The following GABRB1 variants were observed in gnomAD, a reference collection of about 807,000 sequenced individuals.
The protein encoded by GABRB1 is gamma-aminobutyric acid type A receptor subunit beta1, also known as gamma-aminobutyric acid receptor subunit beta-1.
Under a neutral mutation model 51.6 loss-of-function variants are expected in GABRB1, and 17 were observed. That is an observed-to-expected ratio of 0.33 (90% confidence interval 0.23 to 0.49). The LOEUF (loss-of-function observed/expected upper bound fraction) is 0.49. Ranked by LOEUF, GABRB1 falls within the 20% of genes least tolerant of loss-of-function variation. The pLI, the probability that GABRB1 is intolerant of heterozygous loss-of-function variation, is 0.99. For synonymous variants in GABRB1, 247 were observed against 218.9 expected, an observed-to-expected ratio of 1.13 and a Z score of -1.14; for missense variants, 410 against 600.6, an observed-to-expected ratio of 0.68 and a Z score of 3.32.
intron 4 of GABRB1, among the ~76,000 whole-genome samples, chr4:47,170,174 G>A (rs534530727): frequency 2.0e-5 from 3 of 152,050 alleles, no homozygotes; most frequent in African/African-American, 7.2e-5. Flanking sequence ...TGTTTACCTG[G>A]CTCTATTTCG....
At chr4:47,091,682 C>A (rs972234672) in intron 3 of GABRB1, among the ~76,000 whole-genome samples, 5 of 152,192 alleles carry the variant, frequency 3.3e-5, no homozygotes, top group Non-Finnish European at 7.3e-5. Flanking sequence ...TGCACTCCCC[C>A]AATCCTGGAC....
chr4:47,361,259 G>C (rs766178469), intron 5 of GABRB1, among the ~76,000 whole-genome samples: 7 of 152,088 alleles, frequency 4.6e-5, no homozygotes, highest in Admixed American at 6.6e-5. Context: ...ATTTCTTCTG[G>C]GGACTTAAGG....
At chr4:47,136,697 A>G (rs1329925695) in intron 3 of GABRB1, among the ~76,000 whole-genome samples, 1 of 152,088 alleles carries the variant, frequency 6.6e-6, no homozygotes, top group Non-Finnish European at 1.5e-5. Flanking sequence ...TGTTTAATCC[A>G]TAGATGATAC....
intron 3 of GABRB1, among the ~76,000 whole-genome samples, chr4:47,158,905 T>C (rs188100483): frequency 6.6e-6 from 1 of 152,202 alleles, no homozygotes; most frequent in Non-Finnish European, 1.5e-5. Context: ...TAGCATGTTA[T>C]GGTTTCTAAA....
At chr4:47,356,050 A>C (rs13116893) in intron 5 of GABRB1, among the ~76,000 whole-genome samples, 1 of 152,024 alleles carries the variant, frequency 6.6e-6, no homozygotes, top group Non-Finnish European at 1.5e-5. Flanking sequence ...AACAGCACAT[A>C]GCACACTGCT....
intron 4 of GABRB1, among the ~76,000 whole-genome samples, chr4:47,252,025 A>C (rs1722009139): frequency 6.6e-6 from 1 of 151,774 alleles, no homozygotes; most frequent in Non-Finnish European, 1.5e-5. Flanking sequence ...GCCCCTTTCA[A>C]ATTGTTACAA....
chr4:47,398,386 T>G (rs1421843232), intron 5 of GABRB1, among the ~76,000 whole-genome samples: 1 of 152,198 alleles, frequency 6.6e-6, no homozygotes, highest in Non-Finnish European at 1.5e-5. Context: ...TTGTCCAATG[T>G]CTTGGTTAGT....
At chr4:47,026,249 C>A (rs1003583754) in intron 1 of GABRB1, among the ~76,000 whole-genome samples, 1 of 152,068 alleles carries the variant, frequency 6.6e-6, no homozygotes, top group South Asian at 2.1e-4. Context: ...CAGTTTGTAT[C>A]ACTTATTGTT....
chr4:47,078,055 C>A (rs956575080), intron 3 of GABRB1, among the ~76,000 whole-genome samples: 1 of 145,488 alleles, frequency 6.9e-6, no homozygotes, highest in Non-Finnish European at 1.5e-5. Context: ...AATGGCATGA[C>A]CTTGGCTCAC....
chr4:47,023,558 A>G (rs559102699), intron 1 of GABRB1, among the ~76,000 whole-genome samples: 1 of 152,208 alleles, frequency 6.6e-6, no homozygotes, highest in African/African-American at 2.4e-5. Flanking sequence ...TTGGTTTAAA[A>G]ATAACACATT....
chr4:47,305,379 T>A (rs997189948), intron 4 of GABRB1, among the ~76,000 whole-genome samples: 4 of 152,136 alleles, frequency 2.6e-5, no homozygotes, highest in Non-Finnish European at 5.9e-5. Flanking sequence ...AATATATTTT[T>A]CAAGCAACAG....
chr4:47,119,374 A>C (rs979168305), intron 3 of GABRB1, among the ~76,000 whole-genome samples: 5 of 152,194 alleles, frequency 3.3e-5, no homozygotes, highest in Admixed American at 1.3e-4. Flanking sequence ...GTTTTTAAAC[A>C]AGATACAAAA....
chr4:47,010,862 TA>T (rs1435010627), intron 1 of GABRB1, among the ~76,000 whole-genome samples: 1 of 152,216 alleles, frequency 6.6e-6, no homozygotes, highest in Non-Finnish European at 1.5e-5. Flanking sequence ...TAATACATGT[TA>T]AAACTATTTG....
chr4:47,301,994 T>C (rs986869376), intron 4 of GABRB1, among the ~76,000 whole-genome samples: 5 of 152,218 alleles, frequency 3.3e-5, no homozygotes, highest in Admixed American at 6.5e-5. Flanking sequence ...CAATTTTTTT[T>C]CCTACAGAAT....
chr4:47,075,501 CT>C (rs10719036), intron 3 of GABRB1, among the ~76,000 whole-genome samples: 70,951 of 151,870 alleles, frequency 0.47, 16,865 homozygotes, highest in African/African-American at 0.53. Flanking sequence ...GTTAAACTGA[CT>C]TTCCAAAAAT....
intron 3 of GABRB1, among the ~76,000 whole-genome samples, chr4:47,160,497 G>A (rs1462551605): frequency 6.6e-6 from 1 of 152,100 alleles, no homozygotes; most frequent in Non-Finnish European, 1.5e-5. Flanking sequence ...AATTTGGGGT[G>A]TGAAAAACAC....
At chr4:47,111,545 C>T (rs922488200) in intron 3 of GABRB1, among the ~76,000 whole-genome samples, 8 of 152,044 alleles carry the variant, frequency 5.3e-5, no homozygotes, top group Admixed American at 2.0e-4. Flanking sequence ...CATTCAGTTG[C>T]GTGTCAAAAA....
intron 5 of GABRB1, among the ~76,000 whole-genome samples, chr4:47,375,819 T>C (rs1426409581): frequency 6.6e-6 from 1 of 152,148 alleles, no homozygotes; most frequent in Admixed American, 6.5e-5. Flanking sequence ...ATATTGATAA[T>C]ATTTCGGCAG....
intron 4 of GABRB1, among the ~76,000 whole-genome samples, chr4:47,193,376 G>A (rs1324146990): frequency 3.3e-5 from 5 of 152,164 alleles, no homozygotes; most frequent in Non-Finnish European, 2.9e-5. Context: ...GCCTGCCTGG[G>A]CCTCCTAAAG....
Sources: allele counts gnomAD v4.1 joint callset (sites outside exome capture counted in the v4.1 genomes callset), GRCh38; gene constraint gnomAD v4.1.1; transcripts MANE v1.5; gene names NCBI Gene and HGNC (gene_info 2026-07-23, HGNC 2026-07-21).